Variants in OCA2 observed in about 807,000 individuals in gnomAD.
The protein encoded by OCA2 is OCA2 melanosomal transmembrane protein.
A neutral mutation model predicts 100.2 loss-of-function variants in OCA2; 77 were observed. That is an observed-to-expected ratio of 0.77 (90% confidence interval 0.64 to 0.93). The LOEUF (loss-of-function observed/expected upper bound fraction) is 0.93, where lower values mean the gene tolerates loss of function less well. Ranked by LOEUF, OCA2 falls within the 40% of genes least tolerant of loss-of-function variation. The pLI, the probability that OCA2 is intolerant of heterozygous loss-of-function variation, is 0.00. For synonymous variants in OCA2, 432 were observed against 439.2 expected (o/e 0.98, Z 0.21); for missense variants, 1,062 against 1,089.1 (o/e 0.98, Z 0.35).
Position 27,776,980 on chromosome 15 carries a change from G to C in OCA2, c.2433-21508C>G, listed in dbSNP as rs1027036044. ...GGCGGCGGGGAGCGTGAGGTGGGGGGGGGTGGGGGGAGTGTTGGAGAGCAC... is the reference window on the plus strand; with the variant it reads ...GGCGGCGGGGAGCGTGAGGTGGGGGCGGGTGGGGGGAGTGTTGGAGAGCAC... On this transcript the variant is annotated intron_variant, in intron 23 of 23. Coordinates refer to ENST00000354638, the MANE Select transcript of OCA2 (RefSeq NM_000275.3). Among the ~76,000 whole-genome samples the C allele has an allele frequency of 1.2e-4, 18 of 151,078 alleles. 1 individual carries two copies. The South Asian group carries it at 1.3e-3, about 11-fold the overall frequency.
chr15:28,046,659 C>T (rs1357905090), intron 2 of OCA2, among the ~76,000 whole-genome samples: 1 of 152,158 alleles, frequency 6.6e-6, no homozygotes, highest in African/African-American at 2.4e-5. Context: ...GGGCAACCAA[C>T]CATGCACTGA....
At chr15:27,767,023 C>T (rs2031317017) in intron 23 of OCA2, among the ~76,000 whole-genome samples, 1 of 152,172 alleles carries the variant, frequency 6.6e-6, no homozygotes, top group Non-Finnish European at 1.5e-5. Flanking sequence ...AGTCCCAGTT[C>T]CCAAATACCG....
rs111487656 is a variant in OCA2 at position 27,791,986 on chromosome 15, C to T, written c.2433-36514G>A. On this transcript the variant is annotated intron_variant, in intron 23 of 23. Coordinates refer to ENST00000354638, the MANE Select transcript of OCA2 (RefSeq NM_000275.3). ...GTTGCACCTTATGGGCTCTGATGGGCTCCCAAGGAGGGGAGGAGCCCAAGA... is the reference window on the plus strand; with the variant it reads ...GTTGCACCTTATGGGCTCTGATGGGTTCCCAAGGAGGGGAGGAGCCCAAGA... Among the ~76,000 whole-genome samples the T allele has an allele frequency of 6.1e-3, 935 of 152,280 alleles. 17 individuals carry two copies. The highest frequency in any genetic ancestry group is 0.021 in the African/African-American group (871 of 41,542).
At chr15:27,874,359 G>T (rs570253331) in intron 19 of OCA2, among the ~76,000 whole-genome samples, 3 of 152,250 alleles carry the variant, frequency 2.0e-5, no homozygotes, top group East Asian at 1.9e-4. Context: ...AGGGTTGTAG[G>T]CTCCACTGTT....
chr15:27,919,355 T>C (rs771452839), intron 19 of OCA2, among the ~76,000 whole-genome samples: 3 of 152,046 alleles, frequency 2.0e-5, no homozygotes, highest in Non-Finnish European at 4.4e-5. Context: ...TTGCCAAAAC[T>C]TGGAAGCAGG....
chr15:28,090,724 G>A (rs2044856402), intron 1 of OCA2, among the ~76,000 whole-genome samples: 1 of 152,016 alleles, frequency 6.6e-6, no homozygotes, highest in Admixed American at 6.6e-5. Flanking sequence ...CATAAATGCT[G>A]GTATCAAAAG....
In OCA2 at chr15:27,871,063, C is replaced by T. The variant is rs970483747; in HGVS notation, c.2244+91G>A. The T allele has an allele frequency of 9.4e-6, 9 of 954,074 alleles. No individual in the cohort carries two copies. The African/African-American group carries it at 1.4e-4, about 15-fold the overall frequency. The allele number at this position is 954,074 out of a possible 1,614,324, so 59.1% of individuals were successfully genotyped here. On this transcript the variant is annotated intron_variant, in intron 21 of 23. Transcript: ENST00000354638. ...CCTGTGAGTGCAGCAGAGGGGCAGG[C>T]TTCATCCTCTGCTGCCTTAGGAAGG...
At chr15:27,804,322 C>T (rs1256753282) in intron 23 of OCA2, among the ~76,000 whole-genome samples, 1 of 152,200 alleles carries the variant, frequency 6.6e-6, no homozygotes, top group Non-Finnish European at 1.5e-5. Context: ...ATTGTGAATT[C>T]TAACACAATG....
At chr15:27,817,022 T>TA (rs941048915) in intron 23 of OCA2, among the ~76,000 whole-genome samples, 1 of 152,162 alleles carries the variant, frequency 6.6e-6, no homozygotes, top group African/African-American at 2.4e-5. Context: ...TCTCACCACT[T>TA]ACTTGACCTG....
chr15:27,915,287 GAC>G (rs1348870619), intron 19 of OCA2, among the ~76,000 whole-genome samples: 2 of 152,054 alleles, frequency 1.3e-5, no homozygotes, highest in African/African-American at 4.8e-5. Context: ...TACCATTTTG[GAC>G]ACAGAGCCTG....
At chr15:27,794,753 G>A (rs905191684) in intron 23 of OCA2, among the ~76,000 whole-genome samples, 2 of 152,016 alleles carry the variant, frequency 1.3e-5, no homozygotes, top group African/African-American at 2.4e-5. Context: ...GTGCATTCTC[G>A]TTGGAATGCC....
intron 19 of OCA2, among the ~76,000 whole-genome samples, chr15:27,879,409 T>C (rs2036922904): frequency 1.3e-5 from 2 of 152,244 alleles, no homozygotes; most frequent in South Asian, 4.2e-4. Flanking sequence ...TTTTGGGCCC[T>C]AGGTCTCTGA....
intron 19 of OCA2, among the ~76,000 whole-genome samples, chr15:27,878,284 C>T (rs2036872089): frequency 6.6e-6 from 1 of 152,056 alleles, no homozygotes; most frequent in South Asian, 2.1e-4. Flanking sequence ...TTTACACTTA[C>T]CTACTATTTA....
At chr15:27,803,411 T>A (rs2033694509) in intron 23 of OCA2, among the ~76,000 whole-genome samples, 2 of 152,134 alleles carry the variant, frequency 1.3e-5, no homozygotes, top group South Asian at 4.1e-4. Context: ...GAAAGAAAAT[T>A]CTCACACATG....
chr15:28,079,140 A>G (rs1344081129), intron 2 of OCA2, among the ~76,000 whole-genome samples: 2 of 152,182 alleles, frequency 1.3e-5, no homozygotes, highest in Non-Finnish European at 2.9e-5. Flanking sequence ...GCAGCATCTC[A>G]TAGTGTTCTT....
Position 27,913,880 on chromosome 15 carries a change from AAAGAAAGAAAGAAAGCAAGC to A in OCA2, c.2079+12227_2079+12246del, listed in dbSNP as rs1465699952. On this transcript the variant is annotated intron_variant, in intron 19 of 23. Transcript: ENST00000354638. ...GAAAGAAAGAAAGAAAGAAAGAAAG[AAAGAAAGAAAGAAAGCAAGC>A]AAGCAAGCAAGCAAGCAAGCAAGCA... is the stretch of plus-strand genomic sequence containing the variant. Among the ~76,000 whole-genome samples, 63 of 66,122 alleles carry A rather than the reference AAAGAAAGAAAGAAAGCAAGC, an allele frequency of 9.5e-4. 1 individual carries two copies. The highest frequency in any genetic ancestry group is 1.5e-3 in the Non-Finnish European group (56 of 37,386). 43.4% of individuals were successfully genotyped at this position (66,122 alleles called of 152,430 possible).
rs1235091618 is a variant in OCA2 at position 28,032,080 on chromosome 15, G to A, written c.311C>T (p.Ser104Phe). 2 of 1,612,874 alleles carry A rather than the reference G, an allele frequency of 1.2e-6. No homozygotes were observed. The highest frequency in any genetic ancestry group is 1.1e-5 in the South Asian group (1 of 91,058). The part of the protein sequence containing the change: ...FTENTPLLRN[S>F]LQEKGSRCIP... ...AATATCTCACCCTTTCTCCTGTAAG[G>A]AATTCCTCAGCAAAGGAGTGTTTTC... Residue 104 changes from serine (S) to phenylalanine (F), a missense_variant, in exon 3 of 24, where the codon TCC becomes TTC. Transcript: ENST00000354638.
intron 23 of OCA2, among the ~76,000 whole-genome samples, chr15:27,756,259 GC>G (rs1328239113): frequency 6.6e-6 from 1 of 152,202 alleles, no homozygotes; most frequent in Admixed American, 6.5e-5. Flanking sequence ...AGCAGTAAGA[GC>G]CTAGCATGTG....
chr15:27,989,966 T>C lies in OCA2; in HGVS notation c.1117-300A>G, dbSNP rs16950699. Among the ~76,000 whole-genome samples, 10,342 of 152,216 alleles carry C rather than the reference T, an allele frequency of 0.068. 478 individuals are homozygous for C. Among genetic ancestry groups the C allele is most frequent in the South Asian group, 0.13 (632 of 4,824 alleles). ...CATTCCGAGTGGAGTCTGTATGTGC[T>C]CTCTGCAGTGCCGTGCCTGAGACCA... On this transcript the variant is annotated intron_variant, in intron 10 of 23. Coordinates refer to ENST00000354638, the MANE Select transcript of OCA2 (RefSeq NM_000275.3).
Sources: gnomAD v4.1 joint callset for allele counts (sites outside exome capture counted in the v4.1 genomes callset) on GRCh38, gnomAD v4.1.1 for gene constraint, MANE v1.5 for transcripts, NCBI Gene and HGNC (gene_info 2026-07-23, HGNC 2026-07-21) for gene names.